The following NRXN3 variants were observed in gnomAD, a reference collection of about 807,000 sequenced individuals.
NRXN3 encodes the protein neurexin III.
In NRXN3, 32 loss-of-function variants were observed where a neutral mutation model predicts 137.6. That is an observed-to-expected ratio of 0.23 (90% CI 0.18 to 0.31). The LOEUF (loss-of-function observed/expected upper bound fraction) is 0.31. Ranked by LOEUF, NRXN3 falls within the 10% of genes least tolerant of loss-of-function variation. The probability of loss-of-function intolerance (pLI) is 1.00; values close to 1 mark genes in which losing one functional copy is unlikely to be tolerated. For missense variants in NRXN3, 1,574 were observed against 2,062.5 expected (o/e 0.76, Z 4.59); for synonymous variants, 798 against 784.5 (o/e 1.02, Z -0.29).
chr14:79,861,872 C>A lies in NRXN3; in HGVS notation c.4624C>A (p.Gln1542Lys). 1 of 1,614,036 alleles carries A rather than the reference C, an allele frequency of 6.2e-7. No individual in the cohort carries two copies. Among genetic ancestry groups the A allele is most frequent in the Non-Finnish European group, 8.5e-7 (1 of 1,179,998 alleles). ...GCGGAACTACATCAGCAACTCCGCC[C>A]AGAGCAACGGCACGCTCATGAAGGA... ...ETRNYISNSA[Q>K]SNGTLMKEKQ... The change falls in exon 21 of 21, where the codon CAG (glutamine) becomes AAG (lysine). Residue 1542 changes from glutamine (Q) to lysine (K), a missense_variant. Gln to Lys is a moderately conservative substitution (Grantham distance 53, BLOSUM62 1). Transcript: ENST00000335750. This position sits in a 1 kb window ranked among gnomAD's most constrained non-coding sequence, Gnocchi z 5.4.
At chr14:79,460,149 G>A (rs2096311711) in intron 15 of NRXN3, among the ~76,000 whole-genome samples, 1 of 152,076 alleles carries the variant, frequency 6.6e-6, no homozygotes, top group African/African-American at 2.4e-5. Context: ...CAAACTTTCT[G>A]GGAGTTAAAG....
At chr14:79,088,071 G>T (rs571101467) in intron 15 of NRXN3, among the ~76,000 whole-genome samples, 1 of 150,068 alleles carries the variant, frequency 6.7e-6, no homozygotes, top group East Asian at 1.9e-4. Flanking sequence ...AACAATGCTA[G>T]GTTCTCCTTT....
intron 10 of NRXN3, among the ~76,000 whole-genome samples, chr14:78,831,364 C>T (rs1376138571): frequency 2.6e-5 from 4 of 151,624 alleles, no homozygotes; most frequent in Admixed American, 6.6e-5. Context: ...GGTGAAACCC[C>T]GTCTCTACTA....
At chr14:78,672,331 A>G (rs2097944776) in intron 6 of NRXN3, among the ~76,000 whole-genome samples, 1 of 152,206 alleles carries the variant, frequency 6.6e-6, no homozygotes. Context: ...GCATCAATAT[A>G]TTGTTTGCTA....
intron 17 of NRXN3, among the ~76,000 whole-genome samples, chr14:79,670,654 C>A (rs2098602358): frequency 6.6e-6 from 1 of 152,068 alleles, no homozygotes; most frequent in Non-Finnish European, 1.5e-5. Context: ...GGCTATGGTG[C>A]AAATCTATCA....
At chr14:79,229,305 A>G (rs2071684835) in intron 15 of NRXN3, among the ~76,000 whole-genome samples, 1 of 152,226 alleles carries the variant, frequency 6.6e-6, no homozygotes, top group African/African-American at 2.4e-5. Context: ...TTGATCATAC[A>G]TCTCCAAGTT....
chr14:79,800,273 T>A (rs1347257267), intron 19 of NRXN3, among the ~76,000 whole-genome samples: 2 of 152,200 alleles, frequency 1.3e-5, no homozygotes, highest in Non-Finnish European at 2.9e-5. Context: ...AAAGCAACAC[T>A]GTTTCCTGGA....
chr14:78,289,039 AC>A (rs2075497958), intron 3 of NRXN3, among the ~76,000 whole-genome samples: 1 of 152,154 alleles, frequency 6.6e-6, no homozygotes, highest in African/African-American at 2.4e-5. Flanking sequence ...GAAGGGCAAA[AC>A]CCAGAGGCTG....
intron 4 of NRXN3, among the ~76,000 whole-genome samples, chr14:78,609,681 A>T (rs1002582170): frequency 6.6e-6 from 1 of 152,208 alleles, no homozygotes; most frequent in Non-Finnish European, 1.5e-5. Flanking sequence ...TGAGAATTTA[A>T]TCAGAAAGTA....
chr14:78,931,402 T>TA (rs2099321511), intron 10 of NRXN3, among the ~76,000 whole-genome samples: 1 of 151,932 alleles, frequency 6.6e-6, no homozygotes, highest in African/African-American at 2.4e-5. Context: ...TAGAAAATAG[T>TA]AAAAAAATAA....
At chr14:78,405,935 A>G (rs191534663) in intron 4 of NRXN3, among the ~76,000 whole-genome samples, 4 of 152,300 alleles carry the variant, frequency 2.6e-5, no homozygotes, top group East Asian at 3.9e-4. Context: ...TGGATGGGAA[A>G]ATAATTTTAT....
chr14:79,846,596 G>A (rs1372473993), intron 20 of NRXN3, among the ~76,000 whole-genome samples: 1 of 152,138 alleles, frequency 6.6e-6, no homozygotes, highest in Non-Finnish European at 1.5e-5. Context: ...AGATCTGGAA[G>A]GACTTTAAAT....
intron 15 of NRXN3, among the ~76,000 whole-genome samples, chr14:79,288,933 TTGAG>T (rs1281095062): frequency 4.6e-5 from 7 of 152,240 alleles, no homozygotes; most frequent in African/African-American, 1.7e-4. Flanking sequence ...GAATAAATGA[TTGAG>T]TGAGGTTCCA....
At chr14:78,784,690 G>T (rs2098782985) in intron 8 of NRXN3, among the ~76,000 whole-genome samples, 1 of 152,196 alleles carries the variant, frequency 6.6e-6, no homozygotes, top group Non-Finnish European at 1.5e-5. Context: ...TGAGAGCAAA[G>T]AATGAATGTA....
chr14:78,212,621 G>C (rs2062855846), intron 1 of NRXN3, among the ~76,000 whole-genome samples: 1 of 152,176 alleles, frequency 6.6e-6, no homozygotes, highest in Admixed American at 6.5e-5. Flanking sequence ...GGGCAAAAGT[G>C]ATTTTCATAC....
intron 20 of NRXN3, among the ~76,000 whole-genome samples, chr14:79,846,578 G>A (rs562896608): frequency 6.6e-6 from 1 of 152,268 alleles, no homozygotes; most frequent in South Asian, 2.1e-4. Context: ...TAAGATAGTA[G>A]AATGTTTAGA....
chr14:78,390,185 G>A (rs912795258), intron 4 of NRXN3, among the ~76,000 whole-genome samples: 16 of 152,168 alleles, frequency 1.1e-4, no homozygotes, highest in South Asian at 2.1e-4. Flanking sequence ...AAAACTGTAA[G>A]TGCTTATTGG....
intron 8 of NRXN3, among the ~76,000 whole-genome samples, chr14:78,778,676 T>C (rs922681593): frequency 7.1e-6 from 1 of 140,602 alleles, no homozygotes; most frequent in African/African-American, 2.6e-5. Context: ...TTTTCTCTTT[T>C]CTTTTCTTTC....
chr14:78,703,141 C>T (rs149918332), intron 6 of NRXN3, among the ~76,000 whole-genome samples: 56 of 152,300 alleles, frequency 3.7e-4, no homozygotes, highest in African/African-American at 1.0e-3. Context: ...TAGTTAGGAG[C>T]AATTTCAGAT....
Sources: gnomAD v4.1 joint callset for allele counts (sites outside exome capture counted in the v4.1 genomes callset) on GRCh38, gnomAD v4.1.1 for gene constraint, Gnocchi (gnomAD v3.1) non-coding constraint, MANE v1.5 for transcripts, NCBI Gene and HGNC (gene_info 2026-07-23, HGNC 2026-07-21) for gene names.